Variants in MTUS1 observed in about 807,000 individuals in gnomAD.
The protein encoded by MTUS1 is microtubule associated scaffold protein 1.
A neutral mutation model predicts 120.8 loss-of-function variants in MTUS1; 109 were observed. That is an observed-to-expected ratio of 0.90 (90% CI 0.77 to 1.06). The LOEUF is 1.06. Ranked by LOEUF, MTUS1 falls within the 50% of genes least tolerant of loss-of-function variation. The pLI is 0.00. For missense variants in MTUS1, 2,210 were observed against 1,486.3 expected (o/e 1.49, Z -8.01); for synonymous variants, 737 against 550.5 (o/e 1.34, Z -4.74).
chr8:17,801,278 C>T (rs2052661342), upstream of MTUS1: 1 of 151,934 alleles, frequency 6.6e-6, no homozygotes, highest in Non-Finnish European at 1.5e-5. Flanking sequence ...CCGGGGCCGC[C>T]AGGGGGTGGA....
At chr8:17,654,832 T>C in intron 9 of MTUS1, 166 bp from the exon 10 acceptor site, 1 of 604,172 alleles carries the variant, frequency 1.7e-6, no homozygotes, top group Middle Eastern at 2.6e-4. Context: ...TTCACACTTG[T>C]AACCTCAGCA....
At chr8:17,746,037 G>A (rs1373496271) in intron 2 of MTUS1, among the ~76,000 whole-genome samples, 1 of 152,170 alleles carries the variant, frequency 6.6e-6, no homozygotes, top group Non-Finnish European at 1.5e-5. Flanking sequence ...AGACATTGCA[G>A]CCTTGCTTCC....
intron 1 of MTUS1, among the ~76,000 whole-genome samples, chr8:17,756,942 TA>T (rs1173174478): frequency 6.6e-6 from 1 of 152,152 alleles, no homozygotes; most frequent in Non-Finnish European, 1.5e-5. Context: ...TGTGAGAAAG[TA>T]AGTTTTTGTT....
chr8:17,741,795 T>C (rs906681758), intron 3 of MTUS1, among the ~76,000 whole-genome samples: 1 of 152,128 alleles, frequency 6.6e-6, no homozygotes, highest in Non-Finnish European at 1.5e-5. Context: ...CTCAGAAAAT[T>C]AGGTGAGCTC....
chr8:17,726,359 T>C (rs192944329), intron 3 of MTUS1, among the ~76,000 whole-genome samples: 2 of 152,312 alleles, frequency 1.3e-5, no homozygotes, highest in East Asian at 3.9e-4. Flanking sequence ...TCACACCATG[T>C]ACTTGTTTCT....
chr8:17,647,523 G>A (rs2130002401), intron 13 of MTUS1, among the ~76,000 whole-genome samples: 1 of 152,098 alleles, frequency 6.6e-6, no homozygotes. Context: ...ACAGTCCCTG[G>A]CAACGTTTAC....
rs1255641124 is a variant in MTUS1 at position 17,654,622 on chromosome 8, A to C, written c.3153T>G (p.Ile1051Met). The C allele has an allele frequency of 2.5e-6, 4 of 1,614,078 alleles. No homozygotes were observed. Among genetic ancestry groups the C allele is most frequent in the Admixed American group, 3.3e-5 (2 of 60,008 alleles). The change falls in exon 10 of 15, where the codon ATT (isoleucine) becomes ATG (methionine). Residue 1051 changes from isoleucine to methionine, a missense_variant. Ile to Met is a conservative substitution (Grantham distance 10). Coordinates refer to ENST00000693296, the MANE Select transcript of MTUS1 (RefSeq NM_001363059.2). ...NAAHETSKLE[I>M]EASHSEKLEL... is the part of the protein sequence containing the mutation. ...CAAGTTTCTCTGAGTGGCTAGCTTC[A>C]ATTTCCAACTTAGAGGTTTCATGCG...
intron 8 of MTUS1, among the ~76,000 whole-genome samples, chr8:17,667,126 A>G (rs376547257): frequency 4.6e-5 from 7 of 152,352 alleles, no homozygotes; most frequent in Admixed American, 1.3e-4. Flanking sequence ...GTAAAACTGC[A>G]TATCTGCAGG....
At chr8:17,657,563 G>A (rs774158754) in intron 8 of MTUS1, among the ~76,000 whole-genome samples, 22 of 147,858 alleles carry the variant, frequency 1.5e-4, no homozygotes, top group African/African-American at 2.5e-4. Context: ...GAGAGACTCC[G>A]TCTCAAAAAA....
At chr8:17,705,173 G>A (rs1353964705) in intron 6 of MTUS1, among the ~76,000 whole-genome samples, 6 of 151,982 alleles carry the variant, frequency 3.9e-5, no homozygotes, top group Admixed American at 3.3e-4. Context: ...TGGTAGAGAT[G>A]GGGTCTCAGT....
chr8:17,654,830 T>G (rs938254677), intron 9 of MTUS1, 164 bp from the exon 10 acceptor site: 2 of 605,202 alleles, frequency 3.3e-6, no homozygotes, highest in African/African-American at 1.9e-5. Context: ...GGTTCACACT[T>G]GTAACCTCAG....
intron 3 of MTUS1, chr8:17,724,263 A>G (rs1306416150): frequency 3.4e-6 from 1 of 294,884 alleles, no homozygotes; most frequent in Non-Finnish European, 6.6e-6. Flanking sequence ...GAAATAAATA[A>G]GAACCAAGTC....
At chr8:17,777,928 G>T (rs1218282794) in intron 1 of MTUS1, among the ~76,000 whole-genome samples, 1 of 152,188 alleles carries the variant, frequency 6.6e-6, no homozygotes, top group Admixed American at 6.5e-5. Flanking sequence ...AAATTATGCA[G>T]TTTACAAAAC....
chr8:17,712,607 G>A (rs142224483), intron 6 of MTUS1, among the ~76,000 whole-genome samples: 5,250 of 152,254 alleles, frequency 0.034, 118 homozygotes, highest in Non-Finnish European at 0.052. Context: ...CCAAAGTGCT[G>A]GGATTACAGG....
At chr8:17,745,103 T>A (rs1349125715) in intron 2 of MTUS1, among the ~76,000 whole-genome samples, 2 of 152,214 alleles carry the variant, frequency 1.3e-5, no homozygotes, top group Non-Finnish European at 2.9e-5. Flanking sequence ...ATTTAGAGTT[T>A]GGCTTTTTTC....
At chr8:17,740,668 G>C (rs1563299279) in intron 3 of MTUS1, among the ~76,000 whole-genome samples, 3 of 152,134 alleles carry the variant, frequency 2.0e-5, no homozygotes, top group African/African-American at 7.2e-5. Context: ...TTCTTAGTCG[G>C]CTCAGGCTGC....
intron 2 of MTUS1, among the ~76,000 whole-genome samples, chr8:17,751,119 C>T (rs11995608): frequency 3.3e-5 from 5 of 151,900 alleles, no homozygotes; most frequent in African/African-American, 1.2e-4. Flanking sequence ...GAGTTCGAGA[C>T]CAGCCTGGCC....
Position 17,753,983 on chromosome 8 carries a change from T to C in MTUS1, c.1825A>G (p.Lys609Glu). 6.2e-7 allele frequency: 1 copy of C among 1,614,224 alleles called. No individual in the cohort carries two copies. The change falls in exon 2 of 15, where the codon AAA (lysine) becomes GAA (glutamate). Residue 609 changes from lysine to glutamate, a missense_variant. Transcript: ENST00000693296. ...HRVPRTTSAV[K>E]SNQEDVDKAS... The stretch of plus-strand genomic sequence containing the variant: ...TTGTCAACATCTTCCTGATTCGATT[T>C]CACGGCAGATGTTGTTCTTGGAACC...
At chr8:17,797,859 C>G (rs1483625638) in intron 1 of MTUS1, among the ~76,000 whole-genome samples, 2 of 152,164 alleles carry the variant, frequency 1.3e-5, no homozygotes, top group East Asian at 3.9e-4. Context: ...TGAGGACTTT[C>G]AGGGTATATT....
Sources: gnomAD v4.1 joint callset for allele counts (sites outside exome capture counted in the v4.1 genomes callset) on GRCh38, gnomAD v4.1.1 for gene constraint, MANE v1.5 for transcripts, NCBI Gene and HGNC (gene_info 2026-07-23, HGNC 2026-07-21) for gene names.